Variants in FHOD3 observed in about 807,000 individuals in gnomAD.
FHOD3 encodes the protein FH1/FH2 domain-containing protein 3.
Under a neutral mutation model 173.0 loss-of-function variants are expected in FHOD3, and 90 were observed. That is an observed-to-expected ratio of 0.52 (90% CI 0.44 to 0.62). FHOD3 has a LOEUF of 0.62. FHOD3 is among the 20% of genes least tolerant of loss of function. The pLI is 0.00. For synonymous variants in FHOD3, 828 were observed against 823.0 expected (o/e 1.01, Z -0.10); for missense variants, 1,945 against 2,034.7 (o/e 0.96, Z 0.85).
At chr18:36,478,326 A>G (rs907556906) in intron 3 of FHOD3, among the ~76,000 whole-genome samples, 6 of 152,108 alleles carry the variant, frequency 3.9e-5, no homozygotes, top group African/African-American at 1.4e-4. Flanking sequence ...TATTTATGGG[A>G]TATACATGCG....
chr18:36,360,189 G>T (rs1384566692), intron 2 of FHOD3, among the ~76,000 whole-genome samples: 1 of 152,214 alleles, frequency 6.6e-6, no homozygotes, highest in Non-Finnish European at 1.5e-5. Flanking sequence ...GTGGCTTTGG[G>T]TATTTGGAAG....
intron 26 of FHOD3, among the ~76,000 whole-genome samples, chr18:36,759,783 A>G (rs1288889039): frequency 6.6e-6 from 1 of 152,228 alleles, no homozygotes; most frequent in South Asian, 2.1e-4. Flanking sequence ...CCCTGTTGCC[A>G]TGCCTGAGAC....
chr18:36,595,265 C>T, intron 7 of FHOD3, among the ~76,000 whole-genome samples: 1 of 152,068 alleles, frequency 6.6e-6, no homozygotes, highest in Non-Finnish European at 1.5e-5. Context: ...TGCTTATGAC[C>T]CCCAGATGTT....
intron 16 of FHOD3, 140 bp downstream of exon 16, chr18:36,687,318 G>T (rs1170990227): frequency 3.2e-6 from 2 of 623,368 alleles, no homozygotes; most frequent in South Asian, 2.3e-5. Context: ...AGAACAGAGT[G>T]TACTAGTTAC....
At chr18:36,299,801 G>A (rs1038567376) in intron 1 of FHOD3, among the ~76,000 whole-genome samples, 2 of 152,146 alleles carry the variant, frequency 1.3e-5, no homozygotes, top group Admixed American at 6.5e-5. Flanking sequence ...CCTTTGTTTT[G>A]GGGGCCAGCC....
chr18:36,769,358 C>T lies in FHOD3; in HGVS notation c.4718C>T (p.Ala1573Val). 1.9e-6 allele frequency: 3 copies of T among 1,614,130 alleles called. No homozygotes were observed. The highest frequency in any genetic ancestry group is 1.1e-5 in the South Asian group (1 of 91,080). ...ATCATGGACCGCATCGTCAAGTCAG[C>T]CACCCAAGTGCCCAGTCAGCGAGTG... ...DEIMDRIVKS[A>V]TQVPSQRVVP... Residue 1573 changes from alanine (A) to valine (V), a missense_variant, in exon 28 of 29, where the codon GCC becomes GTC. Transcript: ENST00000590592.
At chr18:36,521,805 G>A (rs2056289150) in intron 5 of FHOD3, among the ~76,000 whole-genome samples, 1 of 152,164 alleles carries the variant, frequency 6.6e-6, no homozygotes, top group African/African-American at 2.4e-5. Flanking sequence ...GGCCTTCTGT[G>A]TGGGTAGAGC....
At chr18:36,413,635 C>A (rs2049472849) in intron 3 of FHOD3, among the ~76,000 whole-genome samples, 1 of 152,190 alleles carries the variant, frequency 6.6e-6, no homozygotes, top group African/African-American at 2.4e-5. Context: ...GATTTATGTG[C>A]TTCATTCATG....
At position 36,679,935 on chromosome 18, in the gene FHOD3, C is replaced by T. The variant is rs531860693; in HGVS notation, c.1836-1501C>T. ...TTAAACAAATCTATTATATGCATAA[C>T]AGTTTTATCAATTACTGTGCAAGAG... is the stretch of plus-strand genomic sequence containing the variant. On this transcript the variant is annotated intron_variant, in intron 14 of 28. Coordinates refer to ENST00000590592, the MANE Select transcript of FHOD3 (RefSeq NM_001281740.3). Among the ~76,000 whole-genome samples the T allele has an allele frequency of 2.0e-5, 3 of 152,224 alleles. No homozygotes were observed. In the East Asian group the frequency reaches 5.8e-4, roughly 29 times the overall value.
intron 28 of FHOD3, 54 bp from the exon 29 acceptor site, chr18:36,779,394 T>C (rs2043936993): frequency 1.9e-6 from 3 of 1,559,502 alleles, no homozygotes; most frequent in Non-Finnish European, 2.7e-6. Flanking sequence ...GCCTTGCTGC[T>C]CATACTTCCT....
chr18:36,484,365 C>T (rs1465346890), intron 3 of FHOD3, among the ~76,000 whole-genome samples: 1 of 152,166 alleles, frequency 6.6e-6, no homozygotes, highest in Non-Finnish European at 1.5e-5. Context: ...CTATGTCTCT[C>T]CCATGCCACA....
intron 5 of FHOD3, 82 bp downstream of exon 5, chr18:36,512,625 GC>G (rs2146334771): frequency 2.0e-6 from 2 of 1,003,944 alleles, no homozygotes; most frequent in South Asian, 2.7e-5. Flanking sequence ...ACTACTGAGA[GC>G]TTTTTAAAAG....
At chr18:36,603,841 A>G (rs2031733705) in intron 8 of FHOD3, among the ~76,000 whole-genome samples, 1 of 152,332 alleles carries the variant, frequency 6.6e-6, no homozygotes, top group South Asian at 2.1e-4. Flanking sequence ...TTGAGGGAAT[A>G]TAAATTATGA....
intron 13 of FHOD3, among the ~76,000 whole-genome samples, chr18:36,656,813 A>G (rs1245955987): frequency 6.6e-6 from 1 of 152,204 alleles, no homozygotes; most frequent in African/African-American, 2.4e-5. Flanking sequence ...GACAAATAAT[A>G]TATCATACTT....
chr18:36,434,618 G>T (rs562899111), intron 3 of FHOD3, among the ~76,000 whole-genome samples: 2 of 152,068 alleles, frequency 1.3e-5, no homozygotes, highest in Non-Finnish European at 1.5e-5. Flanking sequence ...TATTGGGATT[G>T]CAGTGAAAGT....
chr18:36,616,680 GA>G (rs1311306024), intron 9 of FHOD3, among the ~76,000 whole-genome samples: 1 of 152,212 alleles, frequency 6.6e-6, no homozygotes, highest in Non-Finnish European at 1.5e-5. Flanking sequence ...GAAGTGTCCT[GA>G]CAGCCGCTTC....
chr18:36,632,733 A>G (rs2034605082), intron 10 of FHOD3, among the ~76,000 whole-genome samples: 1 of 152,074 alleles, frequency 6.6e-6, no homozygotes, highest in African/African-American at 2.4e-5. Context: ...GAGGTAAGCA[A>G]TGGAAGAGGT....
chr18:36,757,739 G>C (rs2042693160), intron 25 of FHOD3, among the ~76,000 whole-genome samples: 3 of 152,174 alleles, frequency 2.0e-5, no homozygotes, highest in Admixed American at 6.5e-5. Context: ...TATTCAGAAG[G>C]CTTCCTTTTC....
intron 6 of FHOD3, among the ~76,000 whole-genome samples, chr18:36,592,244 T>A (rs2059244432): frequency 6.6e-6 from 1 of 152,052 alleles, no homozygotes; most frequent in Non-Finnish European, 1.5e-5. Context: ...ATCAGGGTGA[T>A]GTGTTAGTGA....
Sources: allele counts gnomAD v4.1 joint callset (sites outside exome capture counted in the v4.1 genomes callset), GRCh38; gene constraint gnomAD v4.1.1; transcripts MANE v1.5; gene names NCBI Gene and HGNC (gene_info 2026-07-23, HGNC 2026-07-21).